Variants in MAST4 observed in about 807,000 individuals in gnomAD.
MAST4 encodes the protein microtubule-associated serine/threonine-protein kinase 4.
In MAST4, 89 loss-of-function variants were observed where a neutral mutation model predicts 162.7. That is an observed-to-expected ratio of 0.55 (90% CI 0.46 to 0.65). The LOEUF (loss-of-function observed/expected upper bound fraction) is 0.65. MAST4 is among the 30% of genes least tolerant of loss of function. The probability of loss-of-function intolerance (pLI) is 0.00; values close to 1 mark genes in which losing one functional copy is unlikely to be tolerated. For synonymous variants in MAST4, 1,479 were observed against 1,361.1 expected (o/e 1.09, Z -1.91); for missense variants, 3,153 against 3,374.0 (o/e 0.93, Z 1.62).
At chr5:67,030,061 A>T (rs904612460) in intron 4 of MAST4, among the ~76,000 whole-genome samples, 21 of 152,278 alleles carry the variant, frequency 1.4e-4, no homozygotes, top group African/African-American at 3.8e-4. Flanking sequence ...ATTTCACATG[A>T]TTCCTTGTTA....
In MAST4 at chr5:67,147,900, C is replaced by A. The variant is rs191204206; in HGVS notation, c.3095-1489C>A. ...GGGTGTTATGTGGAAGTCCATGAAT[C>A]TTTTCCTGTACATATGCACAGTAGA... On this transcript the variant is annotated intron_variant, in intron 23 of 28. Coordinates refer to ENST00000403625, the MANE Select transcript of MAST4 (RefSeq NM_001164664.2). 5.9e-5 allele frequency among the ~76,000 whole-genome samples: 9 copies of A among 152,322 alleles called. No homozygotes were observed. The East Asian group carries it at 1.7e-3, about 29-fold the overall frequency.
At chr5:66,850,354 T>C (rs1759213195) in intron 3 of MAST4, among the ~76,000 whole-genome samples, 1 of 152,222 alleles carries the variant, frequency 6.6e-6, no homozygotes, top group South Asian at 2.1e-4. Context: ...CAAGGTGTTT[T>C]TGTTCATAGT....
intron 4 of MAST4, among the ~76,000 whole-genome samples, chr5:66,952,212 T>C (rs1223061780): frequency 6.6e-6 from 1 of 152,120 alleles, no homozygotes; most frequent in African/African-American, 2.4e-5. Flanking sequence ...GAGAGACAGA[T>C]GAGGAAGAGA....
chr5:66,839,436 A>G (rs1222650104), intron 3 of MAST4, among the ~76,000 whole-genome samples: 1 of 152,208 alleles, frequency 6.6e-6, no homozygotes, highest in African/African-American at 2.4e-5. Flanking sequence ...AGACTCATAG[A>G]TTTCTGTTAG....
intron 1 of MAST4, among the ~76,000 whole-genome samples, chr5:66,750,783 T>C (rs992536834): frequency 6.6e-5 from 10 of 152,178 alleles, no homozygotes; most frequent in African/African-American, 2.4e-4. Flanking sequence ...TCGAACTGGG[T>C]GGAGCCCACC....
chr5:66,640,018 G>T (rs1029008532), intron 1 of MAST4, among the ~76,000 whole-genome samples: 2 of 152,188 alleles, frequency 1.3e-5, no homozygotes, highest in South Asian at 4.2e-4. Context: ...TCCCCATGCT[G>T]TACATTTGAT....
chr5:66,946,488 G>T (rs547510725), intron 4 of MAST4, among the ~76,000 whole-genome samples: 2 of 152,126 alleles, frequency 1.3e-5, no homozygotes, highest in African/African-American at 2.4e-5. Context: ...TTCATTTCAG[G>T]TTATTCAAAA....
In MAST4 at chr5:67,130,405, G is replaced by C. The variant is rs753670902; in HGVS notation, c.1941G>C (p.Met647Ile). The C allele has an allele frequency of 6.2e-7, 1 of 1,613,792 alleles. No individual in the cohort carries two copies. Reference protein sequence around the residue: ...FETRRHLCMVMEYVEGGDCAT... With the variant: ...FETRRHLCMVIEYVEGGDCAT... Reference sequence around the variant, plus strand: ...CAAGGCGCCACTTGTGCATGGTCATGGAATATGTGGAAGGTATCTGACACG... The same window carrying C: ...CAAGGCGCCACTTGTGCATGGTCATCGAATATGTGGAAGGTATCTGACACG... The change falls in exon 15 of 29, where the codon ATG (methionine) becomes ATC (isoleucine). Residue 647 changes from methionine to isoleucine, a missense_variant. Physicochemically the swap from Met to Ile is conservative, Grantham distance 10. This residue lies in a region of MAST4 where 131 missense variants were observed against 253.8 expected (regional missense o/e 0.52). Coordinates refer to ENST00000403625, the MANE Select transcript of MAST4 (RefSeq NM_001164664.2).
At chr5:67,033,311 T>TTCTC (rs1235674488) in intron 4 of MAST4, among the ~76,000 whole-genome samples, 3 of 87,756 alleles carry the variant, frequency 3.4e-5, no homozygotes, top group African/African-American at 2.0e-4. Context: ...GGGTTTTCAT[T>TTCTC]TCTCTGTGTG....
At chr5:66,892,308 C>T (rs1762411027) in intron 3 of MAST4, among the ~76,000 whole-genome samples, 1 of 152,146 alleles carries the variant, frequency 6.6e-6, no homozygotes, top group South Asian at 2.1e-4. Flanking sequence ...AAACTGATCA[C>T]CCTCCTCCCT....
At chr5:67,089,883 GT>G (rs1200942466) in intron 5 of MAST4, among the ~76,000 whole-genome samples, 2 of 152,080 alleles carry the variant, frequency 1.3e-5, no homozygotes, top group Non-Finnish European at 2.9e-5. Flanking sequence ...TATTTGTATT[GT>G]TATCTCCATG....
chr5:67,004,161 C>T (rs1171805099), intron 4 of MAST4, among the ~76,000 whole-genome samples: 3 of 152,086 alleles, frequency 2.0e-5, no homozygotes, highest in Non-Finnish European at 2.9e-5. Context: ...GGGGGAGCGG[C>T]GGCCCAGGCT....
At chr5:67,090,513 G>C (rs1464175725) in intron 6 of MAST4, among the ~76,000 whole-genome samples, 1 of 137,822 alleles carries the variant, frequency 7.3e-6, no homozygotes, top group Non-Finnish European at 1.5e-5. Context: ...TCATTATTCT[G>C]TAAGGCCTTC....
At chr5:66,792,132 A>G (rs1278445167) in intron 3 of MAST4, 1 of 166,302 alleles carries the variant, frequency 6.0e-6, no homozygotes, top group Non-Finnish European at 1.5e-5. Flanking sequence ...ATTGTGCTGA[A>G]GAAGTGGGAA....
intron 5 of MAST4, among the ~76,000 whole-genome samples, chr5:67,058,620 G>T: frequency 6.6e-6 from 1 of 152,288 alleles, no homozygotes; most frequent in South Asian, 2.1e-4. Context: ...TTCATGTGCT[G>T]GTATTGGAAG....
intron 3 of MAST4, among the ~76,000 whole-genome samples, chr5:66,814,030 C>T (rs962664961): frequency 9.9e-5 from 15 of 151,962 alleles, no homozygotes; most frequent in South Asian, 4.2e-4. Context: ...TCACCTGATC[C>T]GGGGGACCTG....
At position 67,163,600 on chromosome 5, in the gene MAST4, A is replaced by C; in HGVS notation, c.4421A>C (p.Glu1474Ala). Residue 1474 changes from glutamate (E) to alanine (A), a missense_variant, in exon 29 of 29, where the codon GAG (glutamate) becomes GCG (alanine). Glu to Ala is a moderately radical substitution (Grantham distance 107). Transcript: ENST00000403625. This position sits in a 1 kb window ranked among gnomAD's most constrained non-coding sequence, Gnocchi z 7.0. ...CACAGCCTGGAGGTGACCCAAGAGGAGGTGCAGCGGGAGCAGTCCCAGCGG... is the reference window on the plus strand; with the variant it reads ...CACAGCCTGGAGGTGACCCAAGAGGCGGTGCAGCGGGAGCAGTCCCAGCGG... ...RKHSLEVTQE[E>A]VQREQSQREA... The C allele has an allele frequency of 6.2e-7, 1 of 1,600,234 alleles. No homozygotes were observed. Among genetic ancestry groups the C allele is most frequent in the African/African-American group, 1.3e-5 (1 of 74,814 alleles).
intron 3 of MAST4, among the ~76,000 whole-genome samples, chr5:66,880,466 G>T (rs1761620132): frequency 6.6e-6 from 1 of 152,114 alleles, no homozygotes; most frequent in Non-Finnish European, 1.5e-5. Flanking sequence ...TAAACATAAA[G>T]AAATCCAGAG....
At chr5:66,733,890 G>A (rs538066642) in intron 1 of MAST4, among the ~76,000 whole-genome samples, 35 of 152,252 alleles carry the variant, frequency 2.3e-4, no homozygotes, top group African/African-American at 8.2e-4. Context: ...AATCTAAAAT[G>A]TCTTAGTATG....
Sources: gnomAD v4.1 joint callset for allele counts (sites outside exome capture counted in the v4.1 genomes callset) on GRCh38, gnomAD v4.1.1 for gene constraint, gnomAD v4.1.1 regional missense constraint, Gnocchi (gnomAD v3.1) non-coding constraint, MANE v1.5 for transcripts, NCBI Gene and HGNC (gene_info 2026-07-23, HGNC 2026-07-21) for gene names.